The following AK3 variants were observed in gnomAD, a reference collection of about 807,000 sequenced individuals.
The protein encoded by AK3 is adenylate kinase 3.
In AK3, 27 loss-of-function variants were observed where a neutral mutation model predicts 23.7. The ratio of observed to expected loss-of-function variants is 1.14; its 90% CI spans 0.84 to 1.57. The LOEUF (loss-of-function observed/expected upper bound fraction) is 1.57, where lower values mean the gene tolerates loss of function less well. Among genes scored for constraint, AK3 ranks in the 40% most tolerant of loss-of-function variants. The pLI is 0.00. For missense variants in AK3, 406 were observed against 285.6 expected (o/e 1.42, Z -3.04); for synonymous variants, 159 against 116.0 (o/e 1.37, Z -2.38).
At chr9:4,713,825 T>C (rs1333715443) in intron 4 of AK3, among the ~76,000 whole-genome samples, 1 of 150,406 alleles carries the variant, frequency 6.6e-6, no homozygotes, top group Non-Finnish European at 1.5e-5. Flanking sequence ...GGGGTGCTTT[T>C]CAAGCCACAC....
upstream of AK3, chr9:4,741,693 C>T (rs1205257996): frequency 6.6e-6 from 1 of 152,508 alleles, no homozygotes; most frequent in African/African-American, 2.4e-5. Context: ...TAGCCCTCGC[C>T]CCTAGTCCAT....
chr9:4,740,136 A>T (rs1842393645), intron 1 of AK3, among the ~76,000 whole-genome samples: 1 of 152,026 alleles, frequency 6.6e-6, no homozygotes, highest in African/African-American at 2.4e-5. Context: ...AATGGGTTTC[A>T]AAATGAGTTT....
chr9:4,721,622 C>T (rs777558154), intron 2 of AK3, among the ~76,000 whole-genome samples: 1 of 152,012 alleles, frequency 6.6e-6, no homozygotes, highest in Non-Finnish European at 1.5e-5. Context: ...TCACGCCCGG[C>T]TAATTTTTGT....
At chr9:4,714,577 T>TA (rs1211421355) in intron 4 of AK3, among the ~76,000 whole-genome samples, 20 of 152,314 alleles carry the variant, frequency 1.3e-4, no homozygotes, top group Non-Finnish European at 2.1e-4. Flanking sequence ...AGAGCCGATT[T>TA]AAAAATCAAG....
At chr9:4,739,476 G>A (rs945649372) in intron 1 of AK3, among the ~76,000 whole-genome samples, 2 of 150,902 alleles carry the variant, frequency 1.3e-5, no homozygotes, top group East Asian at 1.9e-4. Flanking sequence ...TTACAAGTGT[G>A]AACTGGTTAA....
intron 1 of AK3, 145 bp downstream of exon 1, chr9:4,740,792 C>T: frequency 1.8e-6 from 2 of 1,104,232 alleles, no homozygotes; most frequent in Non-Finnish European, 1.2e-6. Context: ...CGCAGTCGCT[C>T]AGCAGCCCGA....
At position 4,718,156 on chromosome 9, in the gene AK3, T is replaced by C. The variant is rs150692595; in HGVS notation, c.563+263A>G. On this transcript the variant is annotated intron_variant, in intron 4 of 4. Coordinates refer to ENST00000381809, the MANE Select transcript of AK3 (RefSeq NM_016282.4). ...CTGTTCCTACAAATGTCTGCTACCA[T>C]GCAGGAAGCCTAAGGACAAAGCCAA... 4.4e-3 allele frequency among the ~76,000 whole-genome samples: 669 copies of C among 152,314 alleles called. 6 individuals carry two copies. Among genetic ancestry groups the C allele is most frequent in the African/African-American group, 0.015 (640 of 41,572 alleles).
At chr9:4,728,848 T>C (rs1405056254) in intron 1 of AK3, among the ~76,000 whole-genome samples, 16 of 26,318 alleles carry the variant, frequency 6.1e-4, no homozygotes, top group African/African-American at 1.4e-3. Context: ...TATATATATA[T>C]ATATATATAT....
intron 2 of AK3, among the ~76,000 whole-genome samples, chr9:4,720,680 C>A (rs1396602348): frequency 1.7e-5 from 2 of 117,434 alleles, no homozygotes; most frequent in Non-Finnish European, 3.5e-5. Flanking sequence ...CAGAGCAAGA[C>A]ACTGTCTCCA....
chr9:4,718,311 T>G lies in AK3; in HGVS notation c.563+108A>C, dbSNP rs1841791782. The G allele has an allele frequency of 3.7e-6, 3 of 803,176 alleles. No homozygotes were observed. The Admixed American group carries it at 5.8e-5, about 16-fold the overall frequency. The allele number at this position is 803,176 out of a possible 1,614,324, so 49.8% of individuals were successfully genotyped here. A position where few individuals can be genotyped will look rare whatever the true frequency, so the allele number is the denominator to read the frequency against. ...ATTTCCTTTATTACTTAAGCCCATGTGAACTGGGTCTTTTGGCATTTTAGC... is the reference window on the plus strand; with the variant it reads ...ATTTCCTTTATTACTTAAGCCCATGGGAACTGGGTCTTTTGGCATTTTAGC... On this transcript the variant is annotated intron_variant, in intron 4 of 4. Transcript: ENST00000381809.
Position 4,718,433 on chromosome 9 carries a change from G to A in AK3, c.549C>T (p.Val183=), listed in dbSNP as rs887211999. 1.2e-6 allele frequency: 2 copies of A among 1,611,952 alleles called. No individual in the cohort carries two copies. Among genetic ancestry groups the A allele is most frequent in the East Asian group, 2.2e-5 (1 of 44,880 alleles). ...LKAYEDQTKP[V]LEYYQKKGVL... is the part of the protein sequence containing the mutation. ...CAAAAACTCACTGGTAATATTCCAG[G>A]ACTGGCTTTGTTTGGTCTTCATAAG... The change falls in exon 4 of 5, where the codon GTC becomes GTT. Residue 183 remains valine (V), a synonymous_variant. Transcript: ENST00000381809.
intron 1 of AK3, among the ~76,000 whole-genome samples, chr9:4,736,843 A>C (rs531489763): frequency 1.3e-5 from 2 of 152,050 alleles, no homozygotes; most frequent in African/African-American, 4.8e-5. Context: ...ACATCCAGCT[A>C]ATGTTTTTAT....
chr9:4,709,964 T>G lies in AK3; in HGVS notation c.*3012A>C, dbSNP rs527685232. ...TTGTTGTTAGTATAGGGCAGTTTTG[T>G]CACAAGTTATGAGGATCCAAAATAT... On this transcript the variant is annotated 3_prime_UTR_variant, in exon 5 of 5. Transcript: ENST00000381809. The G allele has an allele frequency of 6.6e-6, 1 of 152,180 alleles. No homozygotes were observed. Among genetic ancestry groups the G allele is most frequent in the Non-Finnish European group, 1.5e-5 (1 of 68,036 alleles). 9.4% of individuals were successfully genotyped at this position (152,180 alleles called of 1,614,324 possible).
chr9:4,734,278 G>A (rs1020174357), intron 1 of AK3, among the ~76,000 whole-genome samples: 4 of 151,984 alleles, frequency 2.6e-5, no homozygotes, highest in African/African-American at 9.7e-5. Context: ...CTCTACCAGT[G>A]CCTTGGTCTT....
In AK3 at chr9:4,725,490, C is replaced by T. The variant is rs867329499; in HGVS notation, c.152-2865G>A. 1.6e-4 allele frequency among the ~76,000 whole-genome samples: 24 copies of T among 151,510 alleles called. 1 individual carries two copies. The highest frequency in any genetic ancestry group is 3.2e-3 in the Middle Eastern group (1 of 316). ...AAGAACATCATTAAGAAAGTGAGGC[C>T]GGGTGCAGTGGCTCCTGCCTGTAAT... On this transcript the variant is annotated intron_variant, in intron 1 of 4. Transcript: ENST00000381809.
chr9:4,741,229 A>C, upstream of AK3: 1 of 968,504 alleles, frequency 1.0e-6, no homozygotes, highest in African/African-American at 1.7e-5. Flanking sequence ...CCCGGAAGTG[A>C]GCCGACAGCC....
At chr9:4,723,051 A>G (rs1050922639) in intron 1 of AK3, among the ~76,000 whole-genome samples, 3 of 150,206 alleles carry the variant, frequency 2.0e-5, no homozygotes, top group African/African-American at 7.6e-5. Context: ...AGCCTGGGCA[A>G]CAGAGTGAGA....
chr9:4,722,259 TC>T (rs1474969927), intron 2 of AK3, among the ~76,000 whole-genome samples: 1 of 152,182 alleles, frequency 6.6e-6, no homozygotes, highest in Non-Finnish European at 1.5e-5. Context: ...CACAAAATAT[TC>T]TCAAAGAAAG....
intron 1 of AK3, among the ~76,000 whole-genome samples, chr9:4,731,182 T>C (rs1354228350): frequency 6.6e-6 from 1 of 152,246 alleles, no homozygotes; most frequent in Non-Finnish European, 1.5e-5. Context: ...TGAACTTGTG[T>C]CATGGGGGTT....
Sources: allele counts gnomAD v4.1 joint callset (sites outside exome capture counted in the v4.1 genomes callset), GRCh38; gene constraint gnomAD v4.1.1; transcripts MANE v1.5; gene names NCBI Gene and HGNC (gene_info 2026-07-23, HGNC 2026-07-21).